The following SEMA5A variants were observed in gnomAD, a reference collection of about 807,000 sequenced individuals.
The protein encoded by SEMA5A is semaphorin-5A.
SEMA5A carries 55 observed loss-of-function variants against 135.5 expected under a neutral mutation model. The ratio of observed to expected loss-of-function variants is 0.41; its 90% CI spans 0.33 to 0.51. The LOEUF is 0.51. Ranked by LOEUF, SEMA5A falls within the 20% of genes least tolerant of loss-of-function variation. SEMA5A has a pLI of 0.37. For missense variants in SEMA5A, 1,290 were observed against 1,419.9 expected (o/e 0.91, Z 1.47); for synonymous variants, 580 against 546.5 (o/e 1.06, Z -0.85).
intron 1 of SEMA5A, among the ~76,000 whole-genome samples, chr5:9,451,929 G>C (rs560393449): frequency 1.9e-4 from 29 of 152,274 alleles, no homozygotes; most frequent in African/African-American, 6.7e-4. Flanking sequence ...AGTTCTACCC[G>C]AGCCACCTGG....
intron 4 of SEMA5A, among the ~76,000 whole-genome samples, chr5:9,333,289 T>C (rs1215677983): frequency 6.6e-6 from 1 of 152,242 alleles, no homozygotes; most frequent in Non-Finnish European, 1.5e-5. Context: ...GATAATAAAC[T>C]CTTTTTCATT....
At chr5:9,295,195 A>C (rs556952443) in intron 5 of SEMA5A, among the ~76,000 whole-genome samples, 2 of 152,320 alleles carry the variant, frequency 1.3e-5, no homozygotes, top group South Asian at 4.1e-4. Flanking sequence ...ATTCTTATTC[A>C]GTAAGCATAA....
chr5:9,323,055 G>A (rs759335485), intron 4 of SEMA5A, among the ~76,000 whole-genome samples: 1 of 152,192 alleles, frequency 6.6e-6, no homozygotes, highest in South Asian at 2.1e-4. Flanking sequence ...GAGCCTACGG[G>A]TCTGGCTGTT....
At chr5:9,494,259 A>G (rs1459382695) in intron 1 of SEMA5A, among the ~76,000 whole-genome samples, 1 of 152,144 alleles carries the variant, frequency 6.6e-6, no homozygotes, top group Admixed American at 6.6e-5. Flanking sequence ...CATCAAAGTT[A>G]ATTATCTTTT....
At chr5:9,302,237 G>A (rs1192462931) in intron 5 of SEMA5A, among the ~76,000 whole-genome samples, 1 of 152,152 alleles carries the variant, frequency 6.6e-6, no homozygotes, top group African/African-American at 2.4e-5. Context: ...ACATTTAGAA[G>A]TTTCAGGAAT....
At chr5:9,522,371 T>C (rs1736882983) in intron 1 of SEMA5A, among the ~76,000 whole-genome samples, 1 of 152,094 alleles carries the variant, frequency 6.6e-6, no homozygotes, top group Non-Finnish European at 1.5e-5. Context: ...TCACCTGAGG[T>C]CAGGAGTCCG....
intron 5 of SEMA5A, among the ~76,000 whole-genome samples, chr5:9,274,739 A>C (rs567289956): frequency 6.6e-6 from 1 of 152,294 alleles, no homozygotes; most frequent in African/African-American, 2.4e-5. Context: ...CCACTGGGTA[A>C]ATAACGAAAT....
intron 10 of SEMA5A, among the ~76,000 whole-genome samples, chr5:9,194,009 C>CA (rs1437782202): frequency 2.0e-5 from 3 of 152,234 alleles, no homozygotes; most frequent in Non-Finnish European, 1.5e-5. Flanking sequence ...CACTTAACTA[C>CA]ATTTGAGGGT....
chr5:9,143,711 C>A (rs1273974665), intron 12 of SEMA5A, among the ~76,000 whole-genome samples: 1 of 152,126 alleles, frequency 6.6e-6, no homozygotes, highest in Non-Finnish European at 1.5e-5. Flanking sequence ...GGATCTAGGA[C>A]TTGTGATTAA....
chr5:9,492,933 G>T (rs2126803598), intron 1 of SEMA5A, among the ~76,000 whole-genome samples: 1 of 152,206 alleles, frequency 6.6e-6, no homozygotes, highest in Admixed American at 6.5e-5. Context: ...ACGTTCTGTT[G>T]GTGGATGCAT....
Position 9,337,716 on chromosome 5 carries a change from G to A in SEMA5A, c.221C>T (p.Ala74Val). The change falls in exon 4 of 23, where the codon GCA becomes GTA. Residue 74 changes from alanine to valine, a missense_variant. By Grantham distance (64) the Ala-to-Val change is moderately conservative. This residue lies in a region of SEMA5A where 116 missense variants were observed against 121.3 expected (regional missense o/e 0.96). Transcript: ENST00000382496. ...GGCAAAATACAATATCTCTCACCTT[G>A]CTCCTACAACAAGTTCTTTCTGTCC... ...DPGQKELVVGARNYLFRLQLE... is the reference protein window; with the variant it reads ...DPGQKELVVGVRNYLFRLQLE... 6.2e-7 allele frequency: 1 copy of A among 1,604,972 alleles called. No individual in the cohort carries two copies. The highest frequency in any genetic ancestry group is 1.1e-5 in the South Asian group (1 of 90,178).
chr5:9,308,621 C>T (rs887682699), intron 5 of SEMA5A, among the ~76,000 whole-genome samples: 2 of 152,068 alleles, frequency 1.3e-5, no homozygotes, highest in Non-Finnish European at 2.9e-5. Context: ...TAAAAATTAA[C>T]GGTTATATTC....
intron 12 of SEMA5A, among the ~76,000 whole-genome samples, chr5:9,138,334 T>G (rs1379956361): frequency 6.6e-6 from 1 of 152,186 alleles, no homozygotes; most frequent in East Asian, 1.9e-4. Flanking sequence ...TAAGCATGCT[T>G]GTGTACACAT....
At chr5:9,255,962 A>G (rs1369920010) in intron 5 of SEMA5A, among the ~76,000 whole-genome samples, 1 of 152,124 alleles carries the variant, frequency 6.6e-6, no homozygotes, top group Non-Finnish European at 1.5e-5. Flanking sequence ...GGTCAAAGGT[A>G]TACAAGTCAT....
At chr5:9,418,531 GC>G (rs1757360099) in intron 2 of SEMA5A, among the ~76,000 whole-genome samples, 1 of 152,114 alleles carries the variant, frequency 6.6e-6, no homozygotes, top group South Asian at 2.1e-4. Flanking sequence ...GTAATCCTCA[GC>G]CCCCTCCCAT....
chr5:9,168,443 C>T (rs1226946157), intron 11 of SEMA5A, among the ~76,000 whole-genome samples: 3 of 152,154 alleles, frequency 2.0e-5, no homozygotes, highest in Non-Finnish European at 2.9e-5. Context: ...TCTTTAACTG[C>T]CAGGAGCCCT....
chr5:9,325,553 A>G (rs1752832490), intron 4 of SEMA5A, among the ~76,000 whole-genome samples: 1 of 151,296 alleles, frequency 6.6e-6, no homozygotes, highest in Admixed American at 6.6e-5. Flanking sequence ...GAAACAAATC[A>G]CTAAGCATAA....
At chr5:9,131,102 C>T (rs975770751) in intron 13 of SEMA5A, among the ~76,000 whole-genome samples, 10 of 152,266 alleles carry the variant, frequency 6.6e-5, no homozygotes, top group Non-Finnish European at 1.3e-4. Flanking sequence ...TGATGTATAG[C>T]TCATTTTGCA....
intron 1 of SEMA5A, among the ~76,000 whole-genome samples, chr5:9,513,209 A>G (rs1736312121): frequency 6.6e-6 from 1 of 151,872 alleles, no homozygotes; most frequent in Non-Finnish European, 1.5e-5. Context: ...AATCACATGA[A>G]TTAAATGTGT....
Sources: gnomAD v4.1 joint callset for allele counts (sites outside exome capture counted in the v4.1 genomes callset) on GRCh38, gnomAD v4.1.1 for gene constraint, gnomAD v4.1.1 regional missense constraint, MANE v1.5 for transcripts, NCBI Gene and HGNC (gene_info 2026-07-23, HGNC 2026-07-21) for gene names.